WWOX: variants seen among roughly 807,000 people sequenced by gnomAD.
WWOX encodes WW domain-containing oxidoreductase.
A neutral mutation model predicts 46.2 loss-of-function variants in WWOX; 69 were observed. That is an observed-to-expected ratio of 1.49 (90% CI 1.23 to 1.82). The LOEUF (loss-of-function observed/expected upper bound fraction) is 1.82. Ranked by LOEUF, WWOX falls within the 40% of genes most tolerant of loss-of-function variation. WWOX has a pLI of 0.00. For synonymous variants in WWOX, 359 were observed against 202.6 expected, an observed-to-expected ratio of 1.77 and a Z score of -6.56; for missense variants, 919 against 542.6, an observed-to-expected ratio of 1.69 and a Z score of -6.89.
intron 6 of WWOX, among the ~76,000 whole-genome samples, chr16:78,392,229 C>G (rs1206329967): frequency 6.6e-6 from 1 of 152,032 alleles, no homozygotes; most frequent in Non-Finnish European, 1.5e-5. Context: ...CTCCCCCTGT[C>G]AGATCAGCAA....
intron 8 of WWOX, among the ~76,000 whole-genome samples, chr16:78,459,955 C>G (rs565754537): frequency 6.6e-6 from 1 of 151,656 alleles, no homozygotes; most frequent in African/African-American, 2.4e-5. Context: ...CAGGCACACG[C>G]CAGCACACCC....
intron 8 of WWOX, among the ~76,000 whole-genome samples, chr16:78,692,013 C>G (rs776826386): frequency 8.5e-5 from 13 of 152,202 alleles, no homozygotes; most frequent in African/African-American, 3.1e-4. Flanking sequence ...TCTCTTGCCA[C>G]TGCCATGTAA....
intron 1 of WWOX, among the ~76,000 whole-genome samples, chr16:78,101,047 T>C (rs1408605516): frequency 6.8e-6 from 1 of 147,510 alleles, no homozygotes; most frequent in Non-Finnish European, 1.5e-5. Flanking sequence ...AGAGGGTTTT[T>C]CTTTTTTTTT....
chr16:79,081,595 C>T (rs911210873), intron 8 of WWOX, among the ~76,000 whole-genome samples: 15 of 152,210 alleles, frequency 9.9e-5, no homozygotes, highest in Admixed American at 2.6e-4. Flanking sequence ...TCTTTACTCT[C>T]TTTGAGCCTT....
At chr16:79,063,736 A>C (rs963960159) in intron 8 of WWOX, among the ~76,000 whole-genome samples, 11 of 152,362 alleles carry the variant, frequency 7.2e-5, no homozygotes, top group Admixed American at 1.3e-4. Context: ...CAAGAACCAG[A>C]AGAAAACAGA....
At chr16:78,424,271 C>G (rs1002839055) in intron 6 of WWOX, among the ~76,000 whole-genome samples, 1 of 151,908 alleles carries the variant, frequency 6.6e-6, no homozygotes, top group Non-Finnish European at 1.5e-5. Context: ...ACATATACCA[C>G]CACACCTGGC....
At chr16:78,182,734 C>T (rs1411784947) in intron 5 of WWOX, among the ~76,000 whole-genome samples, 7 of 151,806 alleles carry the variant, frequency 4.6e-5, no homozygotes, top group Admixed American at 2.6e-4. Context: ...GGGTGGATCA[C>T]GAGGTCAGGA....
At chr16:78,859,239 A>G (rs537135171) in intron 8 of WWOX, among the ~76,000 whole-genome samples, 19 of 151,752 alleles carry the variant, frequency 1.3e-4, no homozygotes, top group Admixed American at 4.6e-4. Context: ...GTTTCCCAGC[A>G]TAAAGCTTGG....
At chr16:78,896,782 A>C (rs1015999278) in intron 8 of WWOX, 6 of 152,088 alleles carry the variant, frequency 3.9e-5, no homozygotes, top group African/African-American at 1.4e-4. Context: ...AGAGAGAGAA[A>C]ATGTATATGC....
At chr16:78,769,523 C>G (rs960659961) in intron 8 of WWOX, among the ~76,000 whole-genome samples, 1 of 142,688 alleles carries the variant, frequency 7.0e-6, no homozygotes, top group African/African-American at 2.6e-5. Context: ...TCCCACCCAC[C>G]CCCCACATTA....
At chr16:78,159,399 T>A (rs1387793597) in intron 4 of WWOX, among the ~76,000 whole-genome samples, 3 of 152,130 alleles carry the variant, frequency 2.0e-5, no homozygotes, top group Non-Finnish European at 2.9e-5. Flanking sequence ...ATACTGTTTT[T>A]CATAATGGTT....
At chr16:78,426,323 G>A (rs2083076691) in intron 7 of WWOX, among the ~76,000 whole-genome samples, 2 of 152,156 alleles carry the variant, frequency 1.3e-5, no homozygotes, top group Admixed American at 1.3e-4. Context: ...CACCAGATGT[G>A]GAGGGCACCA....
chr16:78,532,813 G>A (rs2667622), intron 8 of WWOX, among the ~76,000 whole-genome samples: 128,935 of 152,114 alleles, frequency 0.85, 55,307 homozygotes, highest in East Asian at 1. Context: ...CCATGATTCA[G>A]TTACCTCCCA....
At chr16:78,855,815 T>G (rs1289453288) in intron 8 of WWOX, among the ~76,000 whole-genome samples, 1 of 152,224 alleles carries the variant, frequency 6.6e-6, no homozygotes, top group African/African-American at 2.4e-5. Flanking sequence ...ACTTATTTCC[T>G]GACTTCCACC....
intron 1 of WWOX, among the ~76,000 whole-genome samples, chr16:78,104,231 A>ACACACAC (rs2031989143): frequency 6.9e-5 from 9 of 130,222 alleles, no homozygotes; most frequent in African/African-American, 2.3e-4. Context: ...CTGTGCTCAA[A>ACACACAC]ACACACACAC....
intron 6 of WWOX, among the ~76,000 whole-genome samples, chr16:78,387,947 C>T (rs1036261167): frequency 6.6e-6 from 1 of 151,972 alleles, no homozygotes; most frequent in African/African-American, 2.4e-5. Flanking sequence ...AACATTAGTT[C>T]TGCAGTGTTG....
At chr16:78,391,549 G>A (rs1290290552) in intron 6 of WWOX, among the ~76,000 whole-genome samples, 1 of 152,110 alleles carries the variant, frequency 6.6e-6, no homozygotes, top group African/African-American at 2.4e-5. Context: ...ATGTATTGCC[G>A]AGTAAGAAAT....
intron 8 of WWOX, among the ~76,000 whole-genome samples, chr16:78,501,510 C>T (rs946134199): frequency 4.0e-5 from 6 of 151,362 alleles, no homozygotes; most frequent in African/African-American, 1.5e-4. Flanking sequence ...TTGGGCTGTA[C>T]GTTAGAACCA....
chr16:78,815,293 C>G (rs112645897), intron 8 of WWOX, among the ~76,000 whole-genome samples: 2 of 151,462 alleles, frequency 1.3e-5, no homozygotes, highest in Admixed American at 6.6e-5. Flanking sequence ...CCACTGCACT[C>G]CAGCCTGGCT....
Sources: gnomAD v4.1 joint callset for allele counts (sites outside exome capture counted in the v4.1 genomes callset) on GRCh38, gnomAD v4.1.1 for gene constraint, MANE v1.5 for transcripts, NCBI Gene and HGNC (gene_info 2026-07-23, HGNC 2026-07-21) for gene names.